Variants in FTO observed in about 807,000 individuals in gnomAD.
FTO encodes the protein FTO alpha-ketoglutarate dependent dioxygenase, also known as alpha-ketoglutarate-dependent dioxygenase FTO.
FTO carries 47 observed loss-of-function variants against 63.9 expected under a neutral mutation model. That is an observed-to-expected ratio of 0.74 (90% CI 0.58 to 0.94). FTO has a LOEUF of 0.94. Ranked by LOEUF, FTO falls within the 40% of genes least tolerant of loss-of-function variation. FTO has a pLI of 0.00. For synonymous variants in FTO, 207 were observed against 224.4 expected, an observed-to-expected ratio of 0.92 and a Z score of 0.69; for missense variants, 562 against 618.1, an observed-to-expected ratio of 0.91 and a Z score of 0.96.
At chr16:53,874,757 A>G (rs1359087231) in intron 5 of FTO, among the ~76,000 whole-genome samples, 2 of 152,176 alleles carry the variant, frequency 1.3e-5, no homozygotes, top group Admixed American at 1.3e-4. Flanking sequence ...GCTGTGTGGC[A>G]GAGAGAGAAT....
chr16:53,994,363 TTAAGGGATAGGGTCTC>T (rs1424051968), intron 8 of FTO: 1 of 152,152 alleles, frequency 6.6e-6, no homozygotes, highest in Non-Finnish European at 1.5e-5. Flanking sequence ...TTAATTTTTT[TTAAGGGATAGGGTCTC>T]ACTCTGTTGC....
intron 1 of FTO, among the ~76,000 whole-genome samples, chr16:53,771,022 G>A (rs994062682): frequency 6.6e-6 from 1 of 152,110 alleles, no homozygotes; most frequent in Non-Finnish European, 1.5e-5. Context: ...AATTACAAAA[G>A]CAAACTATCC....
At chr16:53,886,287 G>T (rs1044809088) in intron 6 of FTO, among the ~76,000 whole-genome samples, 3 of 152,248 alleles carry the variant, frequency 2.0e-5, no homozygotes, top group Middle Eastern at 3.4e-3. Context: ...ACCATGGTTG[G>T]CGAGCCTTAT....
chr16:53,950,608 G>A (rs1204077352), intron 8 of FTO, among the ~76,000 whole-genome samples: 2 of 152,186 alleles, frequency 1.3e-5, no homozygotes, highest in Non-Finnish European at 2.9e-5. Flanking sequence ...TAAGCGCAAA[G>A]GGCTGCTTTG....
At chr16:53,731,012 T>A (rs1028741781) in intron 1 of FTO, among the ~76,000 whole-genome samples, 1 of 152,192 alleles carries the variant, frequency 6.6e-6, no homozygotes, top group Non-Finnish European at 1.5e-5. Context: ...AAGATAGGGA[T>A]TTTTTAAGGC....
At chr16:53,731,035 T>C (rs1482627031) in intron 1 of FTO, among the ~76,000 whole-genome samples, 1 of 152,194 alleles carries the variant, frequency 6.6e-6, no homozygotes, top group Non-Finnish European at 1.5e-5. Context: ...TTGATGCATA[T>C]TGCCAAGTTG....
chr16:53,771,843 C>T (rs1368784870), intron 1 of FTO, among the ~76,000 whole-genome samples: 1 of 152,058 alleles, frequency 6.6e-6, no homozygotes, highest in African/African-American at 2.4e-5. Flanking sequence ...ACCATATGCT[C>T]CGTAAAAGAA....
intron 8 of FTO, among the ~76,000 whole-genome samples, chr16:54,006,941 C>T (rs922131008): frequency 2.0e-5 from 3 of 152,176 alleles, no homozygotes; most frequent in Non-Finnish European, 2.9e-5. Context: ...TGGTCAACAT[C>T]GGGCTTGCTT....
chr16:53,752,823 C>A (rs2076830369), intron 1 of FTO, among the ~76,000 whole-genome samples: 1 of 152,014 alleles, frequency 6.6e-6, no homozygotes, highest in Non-Finnish European at 1.5e-5. Context: ...AATGTCTCCT[C>A]TGAAATGATA....
intron 5 of FTO, among the ~76,000 whole-genome samples, chr16:53,878,785 A>G (rs1046754156): frequency 1.6e-4 from 25 of 152,074 alleles, no homozygotes; most frequent in African/African-American, 6.0e-4. Context: ...TGTCCATTTG[A>G]CCTCTGTTTT....
intron 1 of FTO, among the ~76,000 whole-genome samples, chr16:53,768,822 C>T (rs2077267723): frequency 6.6e-6 from 1 of 152,102 alleles, no homozygotes; most frequent in Non-Finnish European, 1.5e-5. Flanking sequence ...ATGTTCACAA[C>T]CACCCTTGGA....
chr16:53,965,054 T>C (rs1307208023), intron 8 of FTO, among the ~76,000 whole-genome samples: 1 of 152,072 alleles, frequency 6.6e-6, no homozygotes, highest in African/African-American at 2.4e-5. Context: ...TGTTACTCCA[T>C]TCCTGTAGTG....
intron 8 of FTO, among the ~76,000 whole-genome samples, chr16:54,108,987 T>G (rs1167262327): frequency 6.6e-6 from 1 of 152,200 alleles, no homozygotes; most frequent in Non-Finnish European, 1.5e-5. Flanking sequence ...TGCCTTCCAG[T>G]AATTCCCAAC....
intron 8 of FTO, among the ~76,000 whole-genome samples, chr16:54,081,266 C>T (rs2086133715): frequency 6.6e-6 from 1 of 152,178 alleles, no homozygotes; most frequent in Middle Eastern, 3.2e-3. Context: ...GGTTACAGCC[C>T]TACCCCCTTT....
At chr16:53,969,843 G>A (rs2083276927) in intron 8 of FTO, among the ~76,000 whole-genome samples, 1 of 152,168 alleles carries the variant, frequency 6.6e-6, no homozygotes, top group Non-Finnish European at 1.5e-5. Context: ...AAAATAATTT[G>A]TCTCTGTAAT....
At chr16:54,081,065 G>T (rs2086128091) in intron 8 of FTO, among the ~76,000 whole-genome samples, 1 of 152,164 alleles carries the variant, frequency 6.6e-6, no homozygotes, top group Non-Finnish European at 1.5e-5. Context: ...CTAAAAAGGA[G>T]TTGGGATTTT....
chr16:53,792,152 A>T (rs962064559), intron 1 of FTO, among the ~76,000 whole-genome samples: 1 of 152,236 alleles, frequency 6.6e-6, no homozygotes, highest in Non-Finnish European at 1.5e-5. Context: ...GAATGGATAA[A>T]TGGAAACAAA....
At chr16:54,050,612 A>G (rs892363699) in intron 8 of FTO, among the ~76,000 whole-genome samples, 1 of 151,618 alleles carries the variant, frequency 6.6e-6, no homozygotes, top group Admixed American at 6.6e-5. Context: ...ACCCCCAACC[A>G]CCTTTCTTGT....
intron 3 of FTO, among the ~76,000 whole-genome samples, chr16:53,843,049 T>G (rs1433490537): frequency 6.6e-6 from 1 of 152,230 alleles, no homozygotes; most frequent in Non-Finnish European, 1.5e-5. Context: ...TCCATATCTG[T>G]ATATAGTCAT....
Sources: gnomAD v4.1 joint callset for allele counts (sites outside exome capture counted in the v4.1 genomes callset) on GRCh38, gnomAD v4.1.1 for gene constraint, MANE v1.5 for transcripts, NCBI Gene and HGNC (gene_info 2026-07-23, HGNC 2026-07-21) for gene names.